The following MLXIP variants were observed in gnomAD, a reference collection of about 807,000 sequenced individuals.
MLXIP encodes MLX interacting protein, also known as MLX-interacting protein.
MLXIP carries 30 observed loss-of-function variants against 87.2 expected under a neutral mutation model. The observed-to-expected ratio is 0.34, with a 90% CI of 0.26 to 0.47. The LOEUF (loss-of-function observed/expected upper bound fraction) is 0.47. Among genes scored for constraint, MLXIP ranks in the 20% least tolerant of loss-of-function variants. MLXIP has a pLI of 1.00. For missense variants in MLXIP, 1,002 were observed against 1,240.1 expected (o/e 0.81, Z 2.88); for synonymous variants, 530 against 514.0 (o/e 1.03, Z -0.42).
Position 122,079,167 on chromosome 12 carries a change from A to G in MLXIP, c.314A>G (p.Gln105Arg), listed in dbSNP as rs1397348242. Residue 105 changes from glutamine to arginine, a missense_variant, in exon 1 of 17, where the codon CAG becomes CGG. Physicochemically the swap from Gln to Arg is conservative, Grantham distance 43 (BLOSUM62 1). Coordinates refer to ENST00000319080, the MANE Select transcript of MLXIP (RefSeq NM_014938.6). ...KGYDFDTVNK[Q>R]TCQTYSFGKT... The stretch of plus-strand genomic sequence containing the variant: ...TACGATTTCGACACGGTCAACAAAC[A>G]GACGTGCCAGACCTACAGCTTCGGC... 16 of 1,550,950 alleles carry G rather than the reference A, an allele frequency of 1.0e-5. No homozygotes were observed. The highest frequency in any genetic ancestry group is 1.4e-5 in the Non-Finnish European group (16 of 1,146,782).
chr12:122,135,929 T>C lies in MLXIP; in HGVS notation c.2032+263T>C. The C allele has an allele frequency of 2.3e-6, 1 of 434,862 alleles. No individual in the cohort carries two copies. The highest frequency in any genetic ancestry group is 4.1e-6 in the Non-Finnish European group (1 of 245,224). 26.9% of individuals were successfully genotyped at this position (434,862 alleles called of 1,614,324 possible). A position where few individuals can be genotyped will look rare whatever the true frequency, so the allele number is the denominator to read the frequency against. On this transcript the variant is annotated intron_variant, in intron 11 of 16. Coordinates refer to ENST00000319080, the MANE Select transcript of MLXIP (RefSeq NM_014938.6). This position sits in a 1 kb window ranked among gnomAD's most constrained non-coding sequence, Gnocchi z 5.3. ...GTGTGCTCGGGGAGTCCCTGCTGAC[T>C]GCCCACGAAGGCCTGGTACTGAGCT...
chr12:122,129,499 C>G, intron 4 of MLXIP, 89 bp from the exon 5 acceptor site: 1 of 1,479,982 alleles, frequency 6.8e-7, no homozygotes, highest in Non-Finnish European at 9.3e-7. Context: ...GGACCCCTAC[C>G]TGCCTCCCTG....
At chr12:122,119,758 A>G (rs1410670841) in intron 1 of MLXIP, among the ~76,000 whole-genome samples, 1 of 152,178 alleles carries the variant, frequency 6.6e-6, no homozygotes, top group Non-Finnish European at 1.5e-5. Flanking sequence ...GCTGCCGCAA[A>G]CAGTGCTGCA....
chr12:122,137,751 A>G lies in MLXIP; in HGVS notation c.2154+161A>G. 1 of 696,822 alleles carries G rather than the reference A, an allele frequency of 1.4e-6. No homozygotes were observed. The highest frequency in any genetic ancestry group is 1.8e-6 in the Non-Finnish European group (1 of 566,640). The allele number at this position is 696,822 out of a possible 1,614,324, so 43.2% of individuals were successfully genotyped here. On this transcript the variant is annotated intron_variant, in intron 12 of 16. Transcript: ENST00000319080. This position sits in a 1 kb window ranked among gnomAD's most constrained non-coding sequence, Gnocchi z 4.1. ...TTCTCCTTGCCCCATGCCACGAACCAGCCCTGTGGGGATGGTGGGCCCCCT... is the reference window on the plus strand; with the variant it reads ...TTCTCCTTGCCCCATGCCACGAACCGGCCCTGTGGGGATGGTGGGCCCCCT...
At chr12:122,086,824 C>T (rs969477898) in intron 1 of MLXIP, among the ~76,000 whole-genome samples, 8 of 152,100 alleles carry the variant, frequency 5.3e-5, no homozygotes, top group Admixed American at 2.6e-4. Context: ...CTAGGTCCCC[C>T]GCGGGGGAGA....
intron 6 of MLXIP, 110 bp downstream of exon 6, chr12:122,130,222 C>T (rs1267661215): frequency 1.6e-5 from 18 of 1,132,368 alleles, no homozygotes; most frequent in Non-Finnish European, 2.1e-5. Context: ...CTGCACGTCA[C>T]GGTTGGGGGC....
In MLXIP at chr12:122,078,826, G is replaced by C. The variant is rs1356545830; in HGVS notation, c.-28G>C. 7.6e-6 allele frequency: 8 copies of C among 1,047,128 alleles called. No homozygotes were observed. Among genetic ancestry groups the C allele is most frequent in the African/African-American group, 6.9e-5 (4 of 57,606 alleles). The allele number at this position is 1,047,128 out of a possible 1,614,324, so 64.9% of individuals were successfully genotyped here. ...CGCTTGTCGCGTTGCCCCGGGCTCCGGGGGATGCCCCCGGCCGAGCCCTTC... is the reference window on the plus strand; with the variant it reads ...CGCTTGTCGCGTTGCCCCGGGCTCCCGGGGATGCCCCCGGCCGAGCCCTTC... On this transcript the variant is annotated 5_prime_UTR_variant, in exon 1 of 17. Transcript: ENST00000319080.
rs115672916 is a variant in MLXIP at position 122,130,311 on chromosome 12, T to C, written c.910+199T>C. Among the ~76,000 whole-genome samples, 1,167 of 151,812 alleles carry C rather than the reference T, an allele frequency of 7.7e-3. 14 individuals are homozygous for C. Among genetic ancestry groups the C allele is most frequent in the African/African-American group, 0.027 (1,111 of 41,422 alleles). ...TACCGAGTGGGTGGGGTCTGCAGAG[T>C]GGGCCCACTGGGCAGCTGCCATTCC... On this transcript the variant is annotated intron_variant, in intron 6 of 16. Transcript: ENST00000319080.
At chr12:122,120,171 C>CT (rs35383681) in intron 1 of MLXIP, among the ~76,000 whole-genome samples, 76,873 of 151,618 alleles carry the variant, frequency 0.51, 19,999 homozygotes, top group Middle Eastern at 0.64. Context: ...TTCCCCCTCC[C>CT]CCCTTCTTCT....
At chr12:122,119,368 G>C (rs753224100) in intron 1 of MLXIP, among the ~76,000 whole-genome samples, 1 of 152,070 alleles carries the variant, frequency 6.6e-6, no homozygotes, top group Non-Finnish European at 1.5e-5. Context: ...GTGTTCCACT[G>C]TGTAGATATG....
chr12:122,112,376 C>G (rs764222058), intron 1 of MLXIP, among the ~76,000 whole-genome samples: 3 of 152,136 alleles, frequency 2.0e-5, no homozygotes, highest in Non-Finnish European at 4.4e-5. Flanking sequence ...TGGTGGCTCA[C>G]GCCTGTAATC....
At chr12:122,140,810 C>T in intron 15 of MLXIP, 144 bp from the exon 16 acceptor site, 2 of 1,281,396 alleles carry the variant, frequency 1.6e-6, no homozygotes. Context: ...CTAGAGATCT[C>T]TCCCTCTTTT....
chr12:122,135,082 G>A lies in MLXIP; in HGVS notation c.1733-142G>A, dbSNP rs765148837. The A allele has an allele frequency of 1.0e-6, 1 of 1,000,776 alleles. No individual in the cohort carries two copies. The highest frequency in any genetic ancestry group is 2.0e-4 in the Middle Eastern group (1 of 4,904). The allele number at this position is 1,000,776 out of a possible 1,614,324, so 62.0% of individuals were successfully genotyped here. ...TCTCCTTCAAGAAGTCACACAAATG[G>A]TTTTAGGTGCCTTGGTGGCTTTGTC... On this transcript the variant is annotated intron_variant, in intron 9 of 16. Coordinates refer to ENST00000319080, the MANE Select transcript of MLXIP (RefSeq NM_014938.6). The surrounding 1 kb of genome is among the most constrained non-coding windows in gnomAD (Gnocchi z 5.3).
At chr12:122,126,458 T>A (rs547809879) in intron 1 of MLXIP, among the ~76,000 whole-genome samples, 15 of 152,130 alleles carry the variant, frequency 9.9e-5, no homozygotes, top group African/African-American at 3.4e-4. Context: ...GGGGGCAGCA[T>A]CTTGAAGGAT....
intron 15 of MLXIP, among the ~76,000 whole-genome samples, chr12:122,139,970 G>C (rs749233703): frequency 6.4e-4 from 97 of 152,240 alleles, no homozygotes; most frequent in Middle Eastern, 3.4e-3. Context: ...CACCGTGCCC[G>C]GCCATAAGAG....
intron 7 of MLXIP, among the ~76,000 whole-genome samples, chr12:122,131,850 A>G (rs1186410216): frequency 6.7e-6 from 1 of 149,928 alleles, no homozygotes. Flanking sequence ...CTTCCGCTTC[A>G]GCCTCCTGTG....
chr12:122,113,458 T>C (rs747543526), intron 1 of MLXIP, among the ~76,000 whole-genome samples: 5 of 151,692 alleles, frequency 3.3e-5, no homozygotes, highest in African/African-American at 4.8e-5. Context: ...TGTAGAGATA[T>C]GGTTTCGCCA....
Position 122,094,322 on chromosome 12 carries a change from G to GGT in MLXIP, c.413+15066_413+15067dup, listed in dbSNP as rs1201891463. Among the ~76,000 whole-genome samples the GGT allele has an allele frequency of 2.5e-3, 353 of 142,966 alleles. 1 individual carries two copies. The highest frequency in any genetic ancestry group is 3.8e-3 in the Middle Eastern group (1 of 264). 93.8% of individuals were successfully genotyped at this position (142,966 alleles called of 152,430 possible). A position where few individuals can be genotyped will look rare whatever the true frequency, so the allele number is the denominator to read the frequency against. On this transcript the variant is annotated intron_variant, in intron 1 of 16. Transcript: ENST00000319080. Reference sequence around the variant, plus strand: ...TGGTGTGTGTGGTGTGTGGTGTGTTGGTGTGTGTGTGGTGTGTATGGGTGT... The same window carrying GGT: ...TGGTGTGTGTGGTGTGTGGTGTGTTGGTGTGTGTGTGTGGTGTGTATGGGTGT...
In MLXIP at chr12:122,137,471, C is replaced by T. The variant is rs756034052; in HGVS notation, c.2035C>T (p.Arg679Trp). The stretch of plus-strand genomic sequence containing the variant: ...TCAGAGGAGTCTGTTCTTACCAGGT[C>T]GGGACTGCCCAAACTCAGGGCAGGC... ...SPQVTVTGPS[R>W]DCPNSGQASP... The change falls in exon 12 of 17, where the codon CGG (arginine) becomes TGG (tryptophan). Residue 679 changes from arginine (R) to tryptophan (W), a missense_variant and splice_region_variant. By Grantham distance (101) the Arg-to-Trp change is moderately radical. This residue lies in a region of MLXIP where 746 missense variants were observed against 897.0 expected (regional missense o/e 0.83). Coordinates refer to ENST00000319080, the MANE Select transcript of MLXIP (RefSeq NM_014938.6). This position sits in a 1 kb window ranked among gnomAD's most constrained non-coding sequence, Gnocchi z 4.1. The T allele has an allele frequency of 9.9e-6, 16 of 1,613,332 alleles. No individual in the cohort carries two copies. The highest frequency in any genetic ancestry group is 3.3e-5 in the Admixed American group (2 of 59,936).
Sources: gnomAD v4.1 joint callset for allele counts (sites outside exome capture counted in the v4.1 genomes callset) on GRCh38, gnomAD v4.1.1 for gene constraint, gnomAD v4.1.1 regional missense constraint, Gnocchi (gnomAD v3.1) non-coding constraint, MANE v1.5 for transcripts, NCBI Gene and HGNC (gene_info 2026-07-23, HGNC 2026-07-21) for gene names.